The following ZNF141 variants were observed in gnomAD, a reference collection of about 807,000 sequenced individuals.
The protein encoded by ZNF141 is zinc finger protein 141.
Under a neutral mutation model 11.3 loss-of-function variants are expected in ZNF141, and 7 were observed. The ratio of observed to expected loss-of-function variants is 0.62; its 90% CI spans 0.35 to 1.16. ZNF141 has a LOEUF of 1.16. ZNF141 is among the 50% of genes most tolerant of loss of function. ZNF141 has a pLI of 0.02. For synonymous variants in ZNF141, 183 were observed against 190.7 expected (o/e 0.96, Z 0.33); for missense variants, 535 against 554.0 (o/e 0.97, Z 0.34).
In ZNF141 at chr4:375,852, CAAGA is replaced by C. The variant is rs374905250; in HGVS notation, c.*1995_*1998del. 5.8e-3 allele frequency among the ~76,000 whole-genome samples: 883 copies of C among 151,966 alleles called. 11 individuals are homozygous for C. The highest frequency in any genetic ancestry group is 0.019 in the African/African-American group (798 of 41,474). ...GGTGGGCATTATTTGTGAATTTTTA[CAAGA>C]AAGAGTGAGGACAGAAATGAAAGAT... On this transcript the variant is annotated 3_prime_UTR_variant, in exon 4 of 4. Coordinates refer to ENST00000240499, the MANE Select transcript of ZNF141 (RefSeq NM_003441.4).
chr4:373,978 A>C lies in ZNF141; in HGVS notation c.*116A>C. 1.1e-6 allele frequency: 1 copy of C among 920,174 alleles called. No homozygotes were observed. 57.0% of individuals were successfully genotyped at this position (920,174 alleles called of 1,614,324 possible). A position where few individuals can be genotyped will look rare whatever the true frequency, so the allele number is the denominator to read the frequency against. ...CCTGGAAATGTGAAGAACGTGGCAA[A>C]GTTCTTTACCTCATTCTCAAACCTT... On this transcript the variant is annotated 3_prime_UTR_variant, in exon 4 of 4. Transcript: ENST00000240499.
intron 3 of ZNF141, among the ~76,000 whole-genome samples, chr4:361,727 A>G (rs1581611132): frequency 1.3e-5 from 2 of 152,174 alleles, no homozygotes; most frequent in African/African-American, 2.4e-5. Context: ...TTATGGCTGC[A>G]TAGTATTCCA....
At chr4:358,101 T>G (rs539915764) in intron 3 of ZNF141, 2 of 326,528 alleles carry the variant, frequency 6.1e-6, no homozygotes, top group Admixed American at 4.7e-5. Flanking sequence ...AACTGAGTCT[T>G]CTGTTAAAGC....
At chr4:338,288 G>A in intron 1 of ZNF141, 1 of 380,318 alleles carries the variant, frequency 2.6e-6, no homozygotes, top group Non-Finnish European at 4.9e-6. Context: ...CGTGGGAGGA[G>A]CTGTGGGAGA....
intron 3 of ZNF141, among the ~76,000 whole-genome samples, chr4:366,151 T>A (rs550816533): frequency 2.0e-5 from 3 of 152,234 alleles, no homozygotes; most frequent in Non-Finnish European, 4.4e-5. Flanking sequence ...TAAGCTTGTT[T>A]ATTCCATTGC....
chr4:357,707 C>CTTTTTTTT (rs572493320), intron 3 of ZNF141, among the ~76,000 whole-genome samples: 45 of 132,556 alleles, frequency 3.4e-4, no homozygotes, highest in East Asian at 6.5e-4. Flanking sequence ...TTTCTTTTTT[C>CTTTTTTTT]TTTTTTTTTT....
intron 2 of ZNF141, 50 bp downstream of exon 2, chr4:343,958 T>G (rs781926221): frequency 1.5e-5 from 23 of 1,567,924 alleles, no homozygotes; most frequent in Non-Finnish European, 2.0e-5. Flanking sequence ...GAGCTTTATT[T>G]TATTCCTTTG....
At position 382,112 on chromosome 4, in the gene ZNF141, A is replaced by G. The variant is rs1712652151; in HGVS notation, c.*8250A>G. Among the ~76,000 whole-genome samples the G allele has an allele frequency of 6.6e-6, 1 of 151,498 alleles. No individual in the cohort carries two copies. Among genetic ancestry groups the G allele is most frequent in the African/African-American group, 2.4e-5 (1 of 41,166 alleles). The stretch of plus-strand genomic sequence containing the variant: ...AGGCACCTGCTACCATGCCCGGCTA[A>G]TTTTTTTGTATTTTTAGTAGAGACG... On this transcript the variant is annotated 3_prime_UTR_variant, in exon 4 of 4. Transcript: ENST00000240499.
chr4:363,499 G>A (rs560967438), intron 3 of ZNF141, among the ~76,000 whole-genome samples: 1 of 152,230 alleles, frequency 6.6e-6, no homozygotes, highest in East Asian at 1.9e-4. Flanking sequence ...GGTTACGCCT[G>A]TAATCCTAGC....
intron 3 of ZNF141, among the ~76,000 whole-genome samples, chr4:369,764 A>ATATGTTTTTTTTTTTTTTTTTTTTTTTT: frequency 2.1e-5 from 1 of 48,742 alleles, no homozygotes; most frequent in Non-Finnish European, 3.1e-5. Flanking sequence ...ATATATATAT[A>ATATGTTTTTTTTTTTTTTTTTTTTTTTT]TTTTTTTTTT....
chr4:383,470 G>A lies in ZNF141; in HGVS notation c.*9608G>A, dbSNP rs181025462. 1 of 299,780 alleles carries A rather than the reference G, an allele frequency of 3.3e-6. No homozygotes were observed. Among genetic ancestry groups the A allele is most frequent in the Non-Finnish European group, 6.1e-6 (1 of 163,980 alleles). 18.6% of individuals were successfully genotyped at this position (299,780 alleles called of 1,614,324 possible). A position where few individuals can be genotyped will look rare whatever the true frequency, so the allele number is the denominator to read the frequency against. On this transcript the variant is annotated 3_prime_UTR_variant, in exon 4 of 4. Transcript: ENST00000240499. ...TCCTTTATTTAAAGTTAGATTTGTT[G>A]TAAGATGATATTGAGTTACACAGAA...
intron 1 of ZNF141, among the ~76,000 whole-genome samples, chr4:339,852 A>G (rs1440060996): frequency 6.6e-6 from 1 of 152,180 alleles, no homozygotes; most frequent in Non-Finnish European, 1.5e-5. Context: ...TCACATATCA[A>G]ATCTACCTCC....
rs1712495597 is a variant in ZNF141, at chr4:378,963, G to T, written c.*5101G>T. 6.8e-6 allele frequency among the ~76,000 whole-genome samples: 1 copy of T among 147,304 alleles called. No homozygotes were observed. The highest frequency in any genetic ancestry group is 7.0e-5 in the Admixed American group (1 of 14,384). On this transcript the variant is annotated 3_prime_UTR_variant, in exon 4 of 4. Transcript: ENST00000240499. ...GGGTTCAAGCAATTCTCCTGCCTCA[G>T]CCTCCCAAGTAGCTGGGATTACAGG...
rs531272334 is a variant in ZNF141, at chr4:380,394, C to G, written c.*6532C>G. On this transcript the variant is annotated 3_prime_UTR_variant, in exon 4 of 4. Coordinates refer to ENST00000240499, the MANE Select transcript of ZNF141 (RefSeq NM_003441.4). ...TTCGGCCAGGCGTGGTGGCTCACAC[C>G]TGTAATCCCAGCACTTTGGGCGCCC... Among the ~76,000 whole-genome samples the G allele has an allele frequency of 2.0e-3, 298 of 152,250 alleles. 2 individuals are homozygous for G. Among genetic ancestry groups the G allele is most frequent in the African/African-American group, 5.8e-3 (242 of 41,540 alleles).
Position 374,037 on chromosome 4 carries a change from C to G in ZNF141, c.*175C>G, listed in dbSNP as rs1486669791. ...TAAGAGAATTCATACCGGAGAGAAA[C>G]TGTACAAATGTGAAGAATATGGCAA... is the stretch of plus-strand genomic sequence containing the variant. On this transcript the variant is annotated 3_prime_UTR_variant, in exon 4 of 4. Coordinates refer to ENST00000240499, the MANE Select transcript of ZNF141 (RefSeq NM_003441.4). 1 of 668,038 alleles carries G rather than the reference C, an allele frequency of 1.5e-6. No individual in the cohort carries two copies. Among genetic ancestry groups the G allele is most frequent in the Admixed American group, 2.8e-5 (1 of 35,160 alleles). 41.4% of individuals were successfully genotyped at this position (668,038 alleles called of 1,614,324 possible). A position where few individuals can be genotyped will look rare whatever the true frequency, so the allele number is the denominator to read the frequency against.
At chr4:338,183 G>C in intron 1 of ZNF141, 197 bp downstream of exon 1, 2 of 593,694 alleles carry the variant, frequency 3.4e-6, no homozygotes, top group Non-Finnish European at 5.7e-6. Context: ...AGCCCTCCTT[G>C]TGCAGCTCTG....
At position 373,078 on chromosome 4, in the gene ZNF141, T is replaced by A. The variant is rs1553853856; in HGVS notation, c.641T>A (p.Phe214Tyr). Residue 214 changes from phenylalanine to tyrosine, a missense_variant, in exon 4 of 4, where the codon TTT becomes TAT. Coordinates refer to ENST00000240499, the MANE Select transcript of ZNF141 (RefSeq NM_003441.4). ...AAAGCCTTTAAATGGTCTTTAATAT[T>A]TAATGAACATAAGAGAATTCATACT... ...CGKAFKWSLIFNEHKRIHTGE... is the reference protein window; with the variant it reads ...CGKAFKWSLIYNEHKRIHTGE... 1.9e-6 allele frequency: 3 copies of A among 1,613,706 alleles called. No homozygotes were observed. Among genetic ancestry groups the A allele is most frequent in the Non-Finnish European group, 2.5e-6 (3 of 1,179,896 alleles).
At chr4:355,542 T>C (rs1342976115) in intron 3 of ZNF141, among the ~76,000 whole-genome samples, 1 of 152,158 alleles carries the variant, frequency 6.6e-6, no homozygotes, top group African/African-American at 2.4e-5. Flanking sequence ...TTTAGTCTCA[T>C]ATAAATATAG....
intron 2 of ZNF141, 124 bp downstream of exon 2, chr4:344,032 A>C: frequency 7.4e-7 from 1 of 1,348,142 alleles, no homozygotes; most frequent in Non-Finnish European, 1.0e-6. Flanking sequence ...TCTTGAGCTA[A>C]TTTGAGTCCT....
Sources: gnomAD v4.1 joint callset for allele counts (sites outside exome capture counted in the v4.1 genomes callset) on GRCh38, gnomAD v4.1.1 for gene constraint, MANE v1.5 for transcripts, NCBI Gene and HGNC (gene_info 2026-07-23, HGNC 2026-07-21) for gene names.